APPBP2: variants seen among roughly 807,000 people sequenced by gnomAD.
The protein encoded by APPBP2 is amyloid protein-binding protein 2.
APPBP2 carries 15 observed loss-of-function variants against 76.0 expected under a neutral mutation model. The ratio of observed to expected loss-of-function variants is 0.20; its 90% CI spans 0.13 to 0.30. The LOEUF is 0.30. Among genes scored for constraint, APPBP2 ranks in the 10% least tolerant of loss-of-function variants. The pLI, the probability that APPBP2 is intolerant of heterozygous loss-of-function variation, is 1.00. For synonymous variants in APPBP2, 222 were observed against 242.2 expected, an observed-to-expected ratio of 0.92 and a Z score of 0.77; for missense variants, 401 against 687.2, an observed-to-expected ratio of 0.58 and a Z score of 4.66.
At chr17:60,466,807 G>A (rs1395982053) in intron 4 of APPBP2, among the ~76,000 whole-genome samples, 1 of 152,088 alleles carries the variant, frequency 6.6e-6, no homozygotes, top group Non-Finnish European at 1.5e-5. Flanking sequence ...GGAAAATAAT[G>A]AAGAAAATAA....
intron 3 of APPBP2, among the ~76,000 whole-genome samples, chr17:60,489,885 AT>A (rs1474911380): frequency 6.6e-6 from 1 of 152,036 alleles, no homozygotes; most frequent in Non-Finnish European, 1.5e-5. Flanking sequence ...AAATACAAAA[AT>A]TAGTTGGGTG....
rs796092297 is a variant in APPBP2, at chr17:60,498,128, C to CA, written c.227+2270dup. 5.5e-3 allele frequency among the ~76,000 whole-genome samples: 718 copies of CA among 129,864 alleles called. 3 individuals carry two copies. The highest frequency in any genetic ancestry group is 0.017 in the African/African-American group (593 of 35,100). The allele number at this position is 129,864 out of a possible 152,430, so 85.2% of individuals were successfully genotyped here. The stretch of plus-strand genomic sequence containing the variant: ...GGTGATGGAAGTGAGACCCTGGCTC[C>CA]AAAAAAAAAAAAGAACAGCAAGTAC... On this transcript the variant is annotated intron_variant, in intron 2 of 12. Transcript: ENST00000083182.
chr17:60,520,954 G>A (rs1166840160), intron 1 of APPBP2, among the ~76,000 whole-genome samples: 1 of 152,092 alleles, frequency 6.6e-6, no homozygotes, highest in Non-Finnish European at 1.5e-5. Flanking sequence ...AGAGATAATT[G>A]TGTTGCCCAG....
chr17:60,510,911 G>T (rs1193559006), intron 1 of APPBP2, among the ~76,000 whole-genome samples: 1 of 152,066 alleles, frequency 6.6e-6, no homozygotes, highest in Admixed American at 6.5e-5. Context: ...TTATGATGAT[G>T]ATGTCACTAG....
chr17:60,479,404 A>C, intron 3 of APPBP2, 133 bp from the exon 4 acceptor site: 1 of 877,272 alleles, frequency 1.1e-6, no homozygotes, highest in Non-Finnish European at 1.6e-6. Context: ...AGCATACAAC[A>C]CAGGTATGAA....
At chr17:60,498,503 A>G (rs930295077) in intron 2 of APPBP2, among the ~76,000 whole-genome samples, 1 of 152,210 alleles carries the variant, frequency 6.6e-6, no homozygotes, top group Non-Finnish European at 1.5e-5. Context: ...AGCAAGAGTT[A>G]TAATAGCTAA....
chr17:60,473,364 A>G (rs7211872), intron 4 of APPBP2, among the ~76,000 whole-genome samples: 30,693 of 152,208 alleles, frequency 0.2, 10,318 homozygotes, highest in African/African-American at 0.7. Flanking sequence ...ACTTTTACTC[A>G]TCCATTCTCC....
chr17:60,525,719 G>T, intron 1 of APPBP2, 75 bp downstream of exon 1: 1 of 1,598,376 alleles, frequency 6.3e-7, no homozygotes. Flanking sequence ...TAACTGCGGG[G>T]GTTCGCAGAC....
In APPBP2 at chr17:60,494,456, C is replaced by G; in HGVS notation, c.379+10G>C. 2 of 1,602,946 alleles carry G rather than the reference C, an allele frequency of 1.2e-6. No homozygotes were observed. Among genetic ancestry groups the G allele is most frequent in the Non-Finnish European group, 1.7e-6 (2 of 1,177,774 alleles). On this transcript the variant is annotated intron_variant, in intron 3 of 12. Coordinates refer to ENST00000083182, the MANE Select transcript of APPBP2 (RefSeq NM_006380.5). ...ACAGGACAAAATACTTCTGTTCCAC[C>G]ATTACTTACCTAAAACAAAGCCAAC... is the stretch of plus-strand genomic sequence containing the variant.
chr17:60,507,088 G>A (rs1362347238), intron 1 of APPBP2, among the ~76,000 whole-genome samples: 1 of 152,068 alleles, frequency 6.6e-6, no homozygotes, highest in African/African-American at 2.4e-5. Context: ...AGATTCAGGG[G>A]TACATTTGCA....
chr17:60,475,026 G>A (rs1010275569), intron 4 of APPBP2, among the ~76,000 whole-genome samples: 2 of 151,716 alleles, frequency 1.3e-5, no homozygotes, highest in Non-Finnish European at 1.5e-5. Context: ...TCAGGAGATC[G>A]ACACCATCCA....
intron 12 of APPBP2, among the ~76,000 whole-genome samples, chr17:60,448,161 G>A (rs925510241): frequency 1.3e-5 from 2 of 152,132 alleles, no homozygotes; most frequent in African/African-American, 2.4e-5. Context: ...CACATGCACA[G>A]GCCAGTCATG....
intron 12 of APPBP2, among the ~76,000 whole-genome samples, chr17:60,448,247 A>C (rs2090365667): frequency 6.6e-6 from 1 of 152,016 alleles, no homozygotes. Flanking sequence ...GTTTGGGACT[A>C]GCCTGGCCAA....
At chr17:60,489,200 C>T (rs935719467) in intron 3 of APPBP2, among the ~76,000 whole-genome samples, 9 of 151,492 alleles carry the variant, frequency 5.9e-5, no homozygotes, top group Non-Finnish European at 7.4e-5. Flanking sequence ...CCAGCCTGGG[C>T]GACAGTACAA....
chr17:60,500,322 C>A lies in APPBP2; in HGVS notation c.227+77G>T, dbSNP rs937000624. 1.8e-5 allele frequency: 19 copies of A among 1,040,220 alleles called. No homozygotes were observed. The Admixed American group carries it at 3.8e-4, about 21-fold the overall frequency. The allele number at this position is 1,040,220 out of a possible 1,614,324, so 64.4% of individuals were successfully genotyped here. The stretch of plus-strand genomic sequence containing the variant: ...GCACCCAGCCCACAATGTGAATATA[C>A]TTAATGCCACTCAATTCGGTTAAAA... On this transcript the variant is annotated intron_variant, in intron 2 of 12. Transcript: ENST00000083182.
At chr17:60,483,778 C>T (rs565897519) in intron 3 of APPBP2, among the ~76,000 whole-genome samples, 9 of 152,224 alleles carry the variant, frequency 5.9e-5, no homozygotes, top group Middle Eastern at 3.4e-3. Flanking sequence ...CATTGCTTTT[C>T]GTGTTTTAGA....
chr17:60,492,982 G>A (rs944413714), intron 3 of APPBP2, among the ~76,000 whole-genome samples: 1 of 152,142 alleles, frequency 6.6e-6, no homozygotes, highest in East Asian at 1.9e-4. Flanking sequence ...TGTTGTGGGA[G>A]GGACCTGGTG....
chr17:60,521,828 GC>G (rs1230398340), intron 1 of APPBP2, among the ~76,000 whole-genome samples: 1 of 152,020 alleles, frequency 6.6e-6, no homozygotes, highest in Non-Finnish European at 1.5e-5. Context: ...TTTATGTGTG[GC>G]CCAAGACAAT....
At chr17:60,519,426 T>G (rs2090989929) in intron 1 of APPBP2, among the ~76,000 whole-genome samples, 1 of 152,110 alleles carries the variant, frequency 6.6e-6, no homozygotes, top group Admixed American at 6.5e-5. Flanking sequence ...GGCAACAAAG[T>G]GAGATACGGT....
Sources: gnomAD v4.1 joint callset for allele counts (sites outside exome capture counted in the v4.1 genomes callset) on GRCh38, gnomAD v4.1.1 for gene constraint, MANE v1.5 for transcripts, NCBI Gene and HGNC (gene_info 2026-07-23, HGNC 2026-07-21) for gene names.